The following STIM2 variants were observed in gnomAD, a reference collection of about 807,000 sequenced individuals.
STIM2 encodes the protein stromal interaction molecule 2.
A neutral mutation model predicts 85.8 loss-of-function variants in STIM2; 31 were observed. The observed-to-expected ratio is 0.36, with a 90% confidence interval of 0.27 to 0.49. The LOEUF (loss-of-function observed/expected upper bound fraction) is 0.49, where lower values mean the gene tolerates loss of function less well. Among genes scored for constraint, STIM2 ranks in the 20% least tolerant of loss-of-function variants. The probability of loss-of-function intolerance (pLI) is 0.98; values close to 1 mark genes in which losing one functional copy is unlikely to be tolerated. For missense variants in STIM2, 841 were observed against 927.6 expected, an observed-to-expected ratio of 0.91 and a Z score of 1.21; for synonymous variants, 356 against 331.1, an observed-to-expected ratio of 1.08 and a Z score of -0.82.
chr4:26,992,907 ACAATTTT>A (rs1373789250), intron 3 of STIM2, among the ~76,000 whole-genome samples: 1 of 152,134 alleles, frequency 6.6e-6, no homozygotes, highest in African/African-American at 2.4e-5. Flanking sequence ...CAAGACCACT[ACAATTTT>A]CAATTTGCTA....
intron 2 of STIM2, among the ~76,000 whole-genome samples, chr4:26,936,770 C>T (rs558390506): frequency 2.0e-5 from 3 of 152,204 alleles, no homozygotes; most frequent in South Asian, 4.1e-4. Flanking sequence ...TATGGAGCAT[C>T]GAAACATTCA....
At chr4:26,983,984 C>G (rs1270966187) in intron 3 of STIM2, among the ~76,000 whole-genome samples, 1 of 152,148 alleles carries the variant, frequency 6.6e-6, no homozygotes, top group Non-Finnish European at 1.5e-5. Flanking sequence ...TTAAAGCAAA[C>G]AGTTGTAAAG....
intron 1 of STIM2, among the ~76,000 whole-genome samples, chr4:26,884,864 G>A (rs1347173745): frequency 1.3e-5 from 2 of 152,158 alleles, no homozygotes; most frequent in East Asian, 1.9e-4. Context: ...GGTTAAACAC[G>A]AGTTCACAGA....
chr4:26,867,392 G>A (rs985631569), intron 1 of STIM2, among the ~76,000 whole-genome samples: 2 of 151,984 alleles, frequency 1.3e-5, no homozygotes, highest in African/African-American at 4.8e-5. Context: ...CAAAGTTGTC[G>A]ACAGAAAAAC....
intron 2 of STIM2, among the ~76,000 whole-genome samples, chr4:26,940,606 CTTTG>C (rs2109081401): frequency 6.6e-6 from 1 of 152,222 alleles, no homozygotes; most frequent in African/African-American, 2.4e-5. Context: ...CCAGCCTTAT[CTTTG>C]TTTGCTGCTT....
intron 3 of STIM2, among the ~76,000 whole-genome samples, chr4:26,962,608 G>GTGTGTGTA (rs34537284): frequency 2.3e-5 from 2 of 85,692 alleles, no homozygotes; most frequent in African/African-American, 4.4e-5. Flanking sequence ...GTGTATGTGT[G>GTGTGTGTA]TCTGTGTCTG....
At chr4:26,966,494 C>G (rs978622799) in intron 3 of STIM2, among the ~76,000 whole-genome samples, 1 of 152,114 alleles carries the variant, frequency 6.6e-6, no homozygotes, top group African/African-American at 2.4e-5. Flanking sequence ...TTGTTTCTTT[C>G]TCAGACAAGT....
intron 3 of STIM2, among the ~76,000 whole-genome samples, chr4:26,966,276 T>C (rs1726712709): frequency 6.6e-6 from 1 of 152,214 alleles, no homozygotes; most frequent in Non-Finnish European, 1.5e-5. Context: ...GAATGTGTGT[T>C]ACATTTTCCT....
At chr4:27,009,058 T>G in intron 10 of STIM2, 56 bp downstream of exon 10, 2 of 1,474,608 alleles carry the variant, frequency 1.4e-6, no homozygotes, top group Non-Finnish European at 1.9e-6. Context: ...AATTTTCTCC[T>G]ATGTCCTTTT....
chr4:26,886,926 GCTCC>G (rs1723273397), intron 1 of STIM2, among the ~76,000 whole-genome samples: 1 of 152,176 alleles, frequency 6.6e-6, no homozygotes, highest in South Asian at 2.1e-4. Flanking sequence ...AAGTGCTAGA[GCTCC>G]CTTGTTAGCT....
chr4:27,019,287 C>A, intron 11 of STIM2: 1 of 495,438 alleles, frequency 2.0e-6, no homozygotes, highest in Non-Finnish European at 3.6e-6. Flanking sequence ...GTGATCAGTG[C>A]AGCATATTCC....
At chr4:26,963,533 C>T (rs1012524753) in intron 3 of STIM2, among the ~76,000 whole-genome samples, 4 of 152,198 alleles carry the variant, frequency 2.6e-5, no homozygotes, top group Non-Finnish European at 4.4e-5. Flanking sequence ...TTACAATATG[C>T]ATCACACTCA....
intron 1 of STIM2, among the ~76,000 whole-genome samples, chr4:26,880,128 CT>C (rs1722950885): frequency 6.6e-6 from 1 of 152,174 alleles, no homozygotes; most frequent in South Asian, 2.1e-4. Context: ...GATCTGGCCC[CT>C]GTCTACCTTT....
intron 1 of STIM2, among the ~76,000 whole-genome samples, chr4:26,899,107 A>T (rs1378903437): frequency 6.6e-6 from 1 of 152,050 alleles, no homozygotes; most frequent in East Asian, 1.9e-4. Context: ...ATCAAGATTA[A>T]GGTATTCCCT....
At chr4:26,870,795 A>G (rs1427787909) in intron 1 of STIM2, among the ~76,000 whole-genome samples, 1 of 152,230 alleles carries the variant, frequency 6.6e-6, no homozygotes. Context: ...CATTGTGATA[A>G]GGGTAAAAGG....
At chr4:26,872,760 G>C (rs143017888) in intron 1 of STIM2, among the ~76,000 whole-genome samples, 164 of 152,300 alleles carry the variant, frequency 1.1e-3, no homozygotes, top group African/African-American at 3.7e-3. Context: ...ATTTTGAGTT[G>C]TGAGAAATGC....
At chr4:26,900,312 CAGGTACATAGTTG>C (rs1723871268) in intron 1 of STIM2, among the ~76,000 whole-genome samples, 1 of 152,076 alleles carries the variant, frequency 6.6e-6, no homozygotes, top group Admixed American at 6.6e-5. Context: ...TTGACTTTAG[CAGGTACATAGTTG>C]AGTGTATTAT....
At chr4:26,861,895 G>C (rs1301203604) in intron 1 of STIM2, among the ~76,000 whole-genome samples, 1 of 152,086 alleles carries the variant, frequency 6.6e-6, no homozygotes. Flanking sequence ...TGATATTAGT[G>C]GTTCCGTGTT....
chr4:26,866,412 A>G (rs1722411284), intron 1 of STIM2, among the ~76,000 whole-genome samples: 1 of 152,166 alleles, frequency 6.6e-6, no homozygotes, highest in African/African-American at 2.4e-5. Context: ...TTAGCACCAC[A>G]AGGGACTGCA....
Sources: allele counts gnomAD v4.1 joint callset (sites outside exome capture counted in the v4.1 genomes callset), GRCh38; gene constraint gnomAD v4.1.1; transcripts MANE v1.5; gene names NCBI Gene and HGNC (gene_info 2026-07-23, HGNC 2026-07-21).